ZFC3H1: variants seen among roughly 807,000 people sequenced by gnomAD.
ZFC3H1 encodes zinc finger C3H1-type containing.
ZFC3H1 carries 71 observed loss-of-function variants against 243.7 expected under a neutral mutation model. That is an observed-to-expected ratio of 0.29 (90% CI 0.24 to 0.36). The LOEUF (loss-of-function observed/expected upper bound fraction) is 0.36. Ranked by LOEUF, ZFC3H1 falls within the 10% of genes least tolerant of loss-of-function variation. The pLI, the probability that ZFC3H1 is intolerant of heterozygous loss-of-function variation, is 1.00. For synonymous variants in ZFC3H1, 838 were observed against 813.0 expected (o/e 1.03, Z -0.52); for missense variants, 1,966 against 2,317.1 (o/e 0.85, Z 3.11).
intron 32 of ZFC3H1, 74 bp from the exon 33 acceptor site, chr12:71,611,171 A>C (rs997004125): frequency 7.1e-7 from 1 of 1,406,888 alleles, no homozygotes; most frequent in Non-Finnish European, 9.4e-7. Context: ...ACAAAATGAA[A>C]CACCACCACT....
chr12:71,663,004 T>G lies in ZFC3H1; in HGVS notation c.598+9A>C. On this transcript the variant is annotated intron_variant, in intron 1 of 34. Transcript: ENST00000378743. ...ACACACCCAGCGCCGACCGCCACGT[T>G]AAGGATACAGCTCTTCCGAGGTGGA... 2 of 1,584,162 alleles carry G rather than the reference T, an allele frequency of 1.3e-6. No homozygotes were observed. The highest frequency in any genetic ancestry group is 1.7e-6 in the Non-Finnish European group (2 of 1,165,000).
At chr12:71,631,159 C>T (rs1418772369) in intron 16 of ZFC3H1, among the ~76,000 whole-genome samples, 1 of 151,916 alleles carries the variant, frequency 6.6e-6, no homozygotes, top group East Asian at 1.9e-4. Context: ...ATACCAAGAA[C>T]ATAAAATAGT....
At chr12:71,638,691 A>T (rs573322570) in intron 6 of ZFC3H1, among the ~76,000 whole-genome samples, 176 bp from the exon 7 acceptor site, 1 of 152,216 alleles carries the variant, frequency 6.6e-6, no homozygotes, top group African/African-American at 2.4e-5. Flanking sequence ...TAAAATTGTC[A>T]TATCATCATA....
At chr12:71,638,130 T>A (rs1219455814) in intron 7 of ZFC3H1, among the ~76,000 whole-genome samples, 4 of 152,146 alleles carry the variant, frequency 2.6e-5, no homozygotes, top group African/African-American at 9.7e-5. Flanking sequence ...ATAACTTCTG[T>A]TTTTGAATAA....
chr12:71,623,638 T>C lies in ZFC3H1; in HGVS notation c.4507-41A>G, dbSNP rs750229213. 4.3e-6 allele frequency: 6 copies of C among 1,385,176 alleles called. No homozygotes were observed. In the African/African-American group the frequency reaches 5.8e-5, roughly 13 times the overall value. 85.8% of individuals were successfully genotyped at this position (1,385,176 alleles called of 1,614,324 possible). On this transcript the variant is annotated intron_variant, in intron 23 of 34. Coordinates refer to ENST00000378743, the MANE Select transcript of ZFC3H1 (RefSeq NM_144982.5). Reference sequence around the variant, plus strand: ...AATTTTTTGATAAAAAAATTAGAGATGTCAGTACCAGATTAACATAATTTT... The same window carrying C: ...AATTTTTTGATAAAAAAATTAGAGACGTCAGTACCAGATTAACATAATTTT...
intron 6 of ZFC3H1, among the ~76,000 whole-genome samples, chr12:71,641,546 T>A (rs960695903): frequency 1.3e-5 from 2 of 152,194 alleles, no homozygotes; most frequent in Non-Finnish European, 1.5e-5. Context: ...AATAGGTCTC[T>A]CACAGCCAAT....
rs967269998 is a variant in ZFC3H1, at chr12:71,627,881, G to C, written c.4000C>G (p.Pro1334Ala). The C allele has an allele frequency of 1.2e-6, 2 of 1,613,530 alleles. No homozygotes were observed. The part of the protein sequence containing the change: ...NVPALDTVVT[P>A]DDVRYFTNET... Reference sequence around the variant, plus strand: ...TTTGTAAAGTATCTGACATCATCTGGAGTGACAACTGTATCCAGAGCTGGA... The same window carrying C: ...TTTGTAAAGTATCTGACATCATCTGCAGTGACAACTGTATCCAGAGCTGGA... The change falls in exon 21 of 35, where the codon CCA becomes GCA. Residue 1334 changes from proline (P) to alanine (A), a missense_variant. Pro to Ala is a conservative substitution (Grantham distance 27). Coordinates refer to ENST00000378743, the MANE Select transcript of ZFC3H1 (RefSeq NM_144982.5).
chr12:71,611,660 GAAAAAA>G (rs35052856), intron 32 of ZFC3H1, 120 bp downstream of exon 32: 1 of 106,662 alleles, frequency 9.4e-6, no homozygotes, highest in Non-Finnish European at 1.8e-5. Context: ...ATCTGTCCAG[GAAAAAA>G]AAAAAAAAAA....
intron 24 of ZFC3H1, 23 bp downstream of exon 24, chr12:71,623,337 C>T (rs1336299094): frequency 1.3e-6 from 2 of 1,549,138 alleles, no homozygotes; most frequent in Non-Finnish European, 8.7e-7. Flanking sequence ...GTTGATATTA[C>T]AATTTATAAA....
intron 24 of ZFC3H1, among the ~76,000 whole-genome samples, chr12:71,622,669 G>A (rs1464454515): frequency 6.6e-6 from 1 of 152,024 alleles, no homozygotes; most frequent in Non-Finnish European, 1.5e-5. Context: ...CATCATGTTG[G>A]CCAGACTGGT....
At position 71,629,627 on chromosome 12, in the gene ZFC3H1, T is replaced by C; in HGVS notation, c.3808A>G (p.Asn1270Asp). 6.2e-7 allele frequency: 1 copy of C among 1,609,580 alleles called. No homozygotes were observed. ...QMAVLLVSNI[N>D]ESKGHTPPFT... The stretch of plus-strand genomic sequence containing the variant: ...TACTTACTATGACCTTTACTTTCAT[T>C]GATATTGCTAACAAGGAGAACAGCC... Residue 1270 changes from asparagine to aspartate, a missense_variant, in exon 19 of 35, where the codon AAT becomes GAT. Coordinates refer to ENST00000378743, the MANE Select transcript of ZFC3H1 (RefSeq NM_144982.5).
At chr12:71,616,741 T>TA (rs1425721956) in intron 27 of ZFC3H1, among the ~76,000 whole-genome samples, 1 of 152,188 alleles carries the variant, frequency 6.6e-6, no homozygotes, top group East Asian at 1.9e-4. Context: ...CTTAATGAAT[T>TA]AGACGGGCTG....
At chr12:71,647,678 C>T in intron 3 of ZFC3H1, 71 bp downstream of exon 3, 1 of 828,434 alleles carries the variant, frequency 1.2e-6, no homozygotes, top group Non-Finnish European at 1.9e-6. Context: ...ACTTCCCTTA[C>T]AAAAGAACAA....
Position 71,654,825 on chromosome 12 carries a change from T to A in ZFC3H1, c.1015+2060A>T, listed in dbSNP as rs965433571. Among the ~76,000 whole-genome samples the A allele has an allele frequency of 3.9e-5, 6 of 152,162 alleles. No homozygotes were observed. The South Asian group carries it at 1.0e-3, about 26-fold the overall frequency. On this transcript the variant is annotated intron_variant, in intron 2 of 34. Coordinates refer to ENST00000378743, the MANE Select transcript of ZFC3H1 (RefSeq NM_144982.5). Reference sequence around the variant, plus strand: ...AGCTCTATACTATGTACAAGTAATATCCGAGACATGAGGATACAGAAAGAC... The same window carrying A: ...AGCTCTATACTATGTACAAGTAATAACCGAGACATGAGGATACAGAAAGAC...
intron 24 of ZFC3H1, among the ~76,000 whole-genome samples, chr12:71,623,117 C>T (rs952122031): frequency 1.3e-5 from 2 of 151,684 alleles, no homozygotes; most frequent in Non-Finnish European, 2.9e-5. Flanking sequence ...AACAGATATC[C>T]TTTGCCACAA....
rs1028336427 is a variant in ZFC3H1 at position 71,655,775 on chromosome 12, A to T, written c.1015+1110T>A. 4.6e-5 allele frequency among the ~76,000 whole-genome samples: 7 copies of T among 152,214 alleles called. No homozygotes were observed. In the South Asian group the frequency reaches 1.2e-3, roughly 27 times the overall value. On this transcript the variant is annotated intron_variant, in intron 2 of 34. Coordinates refer to ENST00000378743, the MANE Select transcript of ZFC3H1 (RefSeq NM_144982.5). ...AATAAAGATGAAAACAGCCCCAACT[A>T]ATTTGAGTATTATAACCTTACACTA...
intron 23 of ZFC3H1, 129 bp downstream of exon 23, chr12:71,623,975 G>A (rs1367196414): frequency 8.4e-5 from 80 of 951,362 alleles, no homozygotes; most frequent in Non-Finnish European, 1.1e-4. Flanking sequence ...TGACTTACTA[G>A]TAAGTGGAAA....
At chr12:71,650,356 C>G (rs1056184368) in intron 2 of ZFC3H1, among the ~76,000 whole-genome samples, 1 of 152,138 alleles carries the variant, frequency 6.6e-6, no homozygotes, top group African/African-American at 2.4e-5. Context: ...ATTATAAATG[C>G]AGGTTTAAAC....
chr12:71,614,876 C>T lies in ZFC3H1; in HGVS notation c.5318G>A (p.Gly1773Glu). 3 of 1,613,884 alleles carry T rather than the reference C, an allele frequency of 1.9e-6. No individual in the cohort carries two copies. Among genetic ancestry groups the T allele is most frequent in the African/African-American group, 1.3e-5 (1 of 75,034 alleles). ...ETVEAYEAAL[G>E]VAMRCDIVQK... is the part of the protein sequence containing the mutation. ...TACTATATCACATCTCATAGCCACC[C>T]CTAATGCTGCCTCATATGCCTCCAC... Residue 1773 changes from glycine to glutamate, a missense_variant, in exon 29 of 35, where the codon GGG (glycine) becomes GAG (glutamate). Transcript: ENST00000378743.
Sources: allele counts gnomAD v4.1 joint callset (sites outside exome capture counted in the v4.1 genomes callset), GRCh38; gene constraint gnomAD v4.1.1; transcripts MANE v1.5; gene names NCBI Gene and HGNC (gene_info 2026-07-23, HGNC 2026-07-21).